Variants in ARHGAP32 observed in about 807,000 individuals in gnomAD.
ARHGAP32 encodes rho GTPase-activating protein 32.
A neutral mutation model predicts 186.5 loss-of-function variants in ARHGAP32; 51 were observed. The observed-to-expected ratio is 0.27, with a 90% CI of 0.22 to 0.35. The LOEUF is 0.35. Ranked by LOEUF, ARHGAP32 falls within the 10% of genes least tolerant of loss-of-function variation. ARHGAP32 has a pLI of 1.00. For synonymous variants in ARHGAP32, 950 were observed against 964.3 expected (o/e 0.99, Z 0.27); for missense variants, 2,186 against 2,623.5 (o/e 0.83, Z 3.64).
intron 6 of ARHGAP32, among the ~76,000 whole-genome samples, chr11:129,074,984 CA>C (rs1191140331): frequency 6.6e-6 from 1 of 151,958 alleles, no homozygotes; most frequent in Non-Finnish European, 1.5e-5. Flanking sequence ...ATACACATAT[CA>C]AAATATCACA....
intron 11 of ARHGAP32, among the ~76,000 whole-genome samples, chr11:129,037,153 T>C (rs1357468999): frequency 6.6e-6 from 1 of 152,152 alleles, no homozygotes; most frequent in East Asian, 1.9e-4. Context: ...CAACAAAAGA[T>C]ATATAAAACT....
At chr11:129,023,083 C>T (rs573037176) in intron 11 of ARHGAP32, among the ~76,000 whole-genome samples, 1 of 151,720 alleles carries the variant, frequency 6.6e-6, no homozygotes, top group Admixed American at 6.6e-5. Context: ...AAATGTTCAA[C>T]CTCTGTTAAG....
At chr11:129,278,503 G>A (rs1368658366) in intron 1 of ARHGAP32, among the ~76,000 whole-genome samples, 1 of 152,160 alleles carries the variant, frequency 6.6e-6, no homozygotes, top group African/African-American at 2.4e-5. Context: ...TACTGCTTAA[G>A]AAAATCTTTA....
chr11:129,237,214 T>C lies in ARHGAP32; in HGVS notation c.-5+41932A>G, dbSNP rs1944948656. On this transcript the variant is annotated intron_variant, in intron 1 of 6. Transcript: ENST00000525234. ...GGGGGTACTGGTCTGTAGTCTTCTT[T>C]TTTTGTTCTTAATATTTTCTTATTT... Among the ~76,000 whole-genome samples the C allele has an allele frequency of 3.3e-5, 5 of 152,336 alleles. No homozygotes were observed. In the South Asian group the frequency reaches 1.0e-3, roughly 32 times the overall value.
intron 1 of ARHGAP32, among the ~76,000 whole-genome samples, chr11:129,168,021 T>C (rs917968137): frequency 2.6e-5 from 4 of 152,082 alleles, no homozygotes; most frequent in Non-Finnish European, 4.4e-5. Context: ...AAGGTGGGCA[T>C]ATTACTTGTG....
chr11:129,038,546 A>C (rs1483994239), intron 11 of ARHGAP32, among the ~76,000 whole-genome samples: 2 of 152,012 alleles, frequency 1.3e-5, no homozygotes, highest in African/African-American at 4.8e-5. Context: ...TTTGTAAATC[A>C]TTATTATCTG....
At chr11:129,118,139 C>T (rs1244319372) in intron 5 of ARHGAP32, among the ~76,000 whole-genome samples, 1 of 151,938 alleles carries the variant, frequency 6.6e-6, no homozygotes, top group Non-Finnish European at 1.5e-5. Flanking sequence ...AATGCACTTA[C>T]TAAAAAGTAA....
At chr11:129,098,361 C>T (rs1393725567) in intron 5 of ARHGAP32, among the ~76,000 whole-genome samples, 3 of 152,008 alleles carry the variant, frequency 2.0e-5, no homozygotes, top group Non-Finnish European at 4.4e-5. Context: ...ATTTAAGAGA[C>T]TAATACTTAA....
rs567761994 is a variant in ARHGAP32, at chr11:129,019,052, G to C, written c.1046-20584C>G. On this transcript the variant is annotated intron_variant, in intron 11 of 22. Coordinates refer to ENST00000682385, the MANE Select transcript of ARHGAP32 (RefSeq NM_001378024.1). Reference sequence around the variant, plus strand: ...AAAATATCATTCAAATCAGAGTAAAGGGGTTTCTTGCAAAGTAAACCCAGC... The same window carrying C: ...AAAATATCATTCAAATCAGAGTAAACGGGTTTCTTGCAAAGTAAACCCAGC... Among the ~76,000 whole-genome samples, 21 of 152,218 alleles carry C rather than the reference G, an allele frequency of 1.4e-4. No homozygotes were observed. In the East Asian group the frequency reaches 4.1e-3, roughly 29 times the overall value.
rs1378816280 is a variant in ARHGAP32, at chr11:129,089,978, G to C, written c.531+3643C>G. Among the ~76,000 whole-genome samples the C allele has an allele frequency of 2.0e-5, 3 of 152,184 alleles. 1 individual carries two copies. In the South Asian group the frequency reaches 6.2e-4, roughly 32 times the overall value. On this transcript the variant is annotated intron_variant, in intron 6 of 22. Transcript: ENST00000682385. ...ATGAAGTTCAATGAAAAGAGAGAGAGAGGGAGAGACTTAAATCTCAGCCTG... is the reference window on the plus strand; with the variant it reads ...ATGAAGTTCAATGAAAAGAGAGAGACAGGGAGAGACTTAAATCTCAGCCTG...
chr11:128,984,376 A>G (rs11221526), intron 15 of ARHGAP32, among the ~76,000 whole-genome samples: 3,040 of 149,254 alleles, frequency 0.02, 44 homozygotes, highest in African/African-American at 0.043. Flanking sequence ...CCCTGCCTCA[A>G]AAAAAAAAAG....
chr11:129,031,104 G>A (rs1302016474), intron 11 of ARHGAP32, among the ~76,000 whole-genome samples: 3 of 152,046 alleles, frequency 2.0e-5, no homozygotes, highest in Admixed American at 1.3e-4. Flanking sequence ...CCAATCTCAG[G>A]TATTTCTTTA....
At position 128,972,660 on chromosome 11, in the gene ARHGAP32, T is replaced by C; in HGVS notation, c.3846A>G (p.Pro1282=). The change falls in exon 22 of 23, where the codon CCA becomes CCG. Residue 1282 remains proline, a synonymous_variant. Coordinates refer to ENST00000682385, the MANE Select transcript of ARHGAP32 (RefSeq NM_001378024.1). ...TATMTYMTTT[P]ATAQMSTKEA... ...CCTTGGTGCTCATTTGGGCTGTTGC[T>C]GGAGTAGTTGTCATGTAAGTCATGG... The C allele has an allele frequency of 6.2e-7, 1 of 1,613,948 alleles. No individual in the cohort carries two copies. The highest frequency in any genetic ancestry group is 8.5e-7 in the Non-Finnish European group (1 of 1,179,924).
chr11:129,027,843 C>T (rs914397258), intron 11 of ARHGAP32, among the ~76,000 whole-genome samples: 1 of 152,156 alleles, frequency 6.6e-6, no homozygotes, highest in African/African-American at 2.4e-5. Context: ...AATACAAACA[C>T]CAAAATGGTG....
At chr11:129,193,485 A>G (rs1287455747), upstream of ARHGAP32, among the ~76,000 whole-genome samples, 1 of 79,694 alleles carries the variant, frequency 1.3e-5, no homozygotes, top group Non-Finnish European at 2.4e-5. Flanking sequence ...CTGTCTCAAA[A>G]AAAAAAAAAA....
intron 1 of ARHGAP32, among the ~76,000 whole-genome samples, chr11:129,211,096 T>A (rs1199274654): frequency 6.6e-6 from 1 of 152,164 alleles, no homozygotes; most frequent in East Asian, 1.9e-4. Context: ...TGCATCCCTT[T>A]CCATCAGCAA....
rs1408595939 is a variant in ARHGAP32, at chr11:129,032,809, C to T, written c.1045+8119G>A. On this transcript the variant is annotated intron_variant, in intron 11 of 22. Coordinates refer to ENST00000682385, the MANE Select transcript of ARHGAP32 (RefSeq NM_001378024.1). Reference sequence around the variant, plus strand: ...TAGGCATTAATCCAAAGAAAATATACAATGGGCAATAAGCACACAAAAAGA... The same window carrying T: ...TAGGCATTAATCCAAAGAAAATATATAATGGGCAATAAGCACACAAAAAGA... Among the ~76,000 whole-genome samples, 7 of 152,138 alleles carry T rather than the reference C, an allele frequency of 4.6e-5. No homozygotes were observed. In the East Asian group the frequency reaches 1.3e-3, roughly 29 times the overall value.
Position 128,969,455 on chromosome 11 carries a change from A to C in ARHGAP32, c.5758T>G (p.Tyr1920Asp). 1.2e-6 allele frequency: 2 copies of C among 1,614,060 alleles called. No individual in the cohort carries two copies. Among genetic ancestry groups the C allele is most frequent in the Non-Finnish European group, 1.7e-6 (2 of 1,180,012 alleles). ...GTGTCTGGAATCCCTTTGGACCCAT[A>C]ATCTAACTGGCCAGCTCCCTGGGGA... ...PYPQGAGQLD[Y>D]GSKGIPDTSE... Residue 1920 changes from tyrosine to aspartate, a missense_variant, in exon 23 of 23, where the codon TAT (tyrosine) becomes GAT (aspartate). Tyr to Asp is a radical substitution (Grantham distance 160, BLOSUM62 -3). Coordinates refer to ENST00000682385, the MANE Select transcript of ARHGAP32 (RefSeq NM_001378024.1). This position sits in a 1 kb window ranked among gnomAD's most constrained non-coding sequence, Gnocchi z 4.8.
chr11:128,997,058 C>T (rs760114035), intron 12 of ARHGAP32, among the ~76,000 whole-genome samples: 5 of 152,142 alleles, frequency 3.3e-5, no homozygotes, highest in Non-Finnish European at 7.3e-5. Flanking sequence ...GGATTGCAGA[C>T]GTGAGCTACT....
Sources: gnomAD v4.1 joint callset for allele counts (sites outside exome capture counted in the v4.1 genomes callset) on GRCh38, gnomAD v4.1.1 for gene constraint, Gnocchi (gnomAD v3.1) non-coding constraint, MANE v1.5 for transcripts, NCBI Gene and HGNC (gene_info 2026-07-23, HGNC 2026-07-21) for gene names.